TRPC7: variants seen among roughly 807,000 people sequenced by gnomAD.
TRPC7 encodes transient receptor potential cation channel subfamily C member 7.
A neutral mutation model predicts 90.1 loss-of-function variants in TRPC7; 42 were observed. That is an observed-to-expected ratio of 0.47 (90% CI 0.36 to 0.60). The LOEUF (loss-of-function observed/expected upper bound fraction) is 0.60, where lower values mean the gene tolerates loss of function less well. Ranked by LOEUF, TRPC7 falls within the 20% of genes least tolerant of loss-of-function variation. The pLI is 0.00. For missense variants in TRPC7, 955 were observed against 1,112.3 expected (o/e 0.86, Z 2.01); for synonymous variants, 451 against 436.3 (o/e 1.03, Z -0.42).
chr5:136,295,780 T>G (rs1313725766), intron 3 of TRPC7, among the ~76,000 whole-genome samples: 2 of 152,228 alleles, frequency 1.3e-5, no homozygotes, highest in African/African-American at 2.4e-5. Flanking sequence ...TAGAAGCATG[T>G]AGGCTGAATT....
chr5:136,359,774 G>GCA (rs56100973), intron 1 of TRPC7, among the ~76,000 whole-genome samples: 50,721 of 149,432 alleles, frequency 0.34, 9,278 homozygotes, highest in Admixed American at 0.47. Flanking sequence ...TGTCATCTGG[G>GCA]CACACACACA....
At chr5:136,235,398 C>T (rs545797846) in intron 7 of TRPC7, among the ~76,000 whole-genome samples, 2 of 152,270 alleles carry the variant, frequency 1.3e-5, no homozygotes, top group East Asian at 3.9e-4. Context: ...GACCTCACTA[C>T]CCTGAGTGGG....
Position 136,266,370 on chromosome 5 carries a change from A to G in TRPC7, c.1195T>C (p.Leu399=), listed in dbSNP as rs1474713352. 1 of 1,613,932 alleles carries G rather than the reference A, an allele frequency of 6.2e-7. No homozygotes were observed. Among genetic ancestry groups the G allele is most frequent in the Non-Finnish European group, 8.5e-7 (1 of 1,179,822 alleles). The change falls in exon 5 of 12, where the codon TTG becomes CTG. Residue 399 remains leucine, a synonymous_variant. Transcript: ENST00000513104. ...GATGCATTCACAACTAATAATCCCA[A>G]GAAGATTGTAAAAGAAACTGCATGA... is the stretch of plus-strand genomic sequence containing the variant. ...VAHAVSFTIF[L]GLLVVNASDR...
At chr5:136,285,856 T>G (rs1355245155) in intron 3 of TRPC7, among the ~76,000 whole-genome samples, 1 of 152,218 alleles carries the variant, frequency 6.6e-6, no homozygotes, top group Non-Finnish European at 1.5e-5. Flanking sequence ...ACAGTATTCC[T>G]GAAATGCACC....
chr5:136,290,321 G>C (rs752293788), intron 3 of TRPC7, among the ~76,000 whole-genome samples: 3 of 152,170 alleles, frequency 2.0e-5, no homozygotes. Flanking sequence ...AGAGAAGAAG[G>C]CTTCAGAAGA....
At chr5:136,255,385 A>G (rs1014205895) in intron 5 of TRPC7, among the ~76,000 whole-genome samples, 3 of 152,246 alleles carry the variant, frequency 2.0e-5, no homozygotes, top group African/African-American at 7.2e-5. Context: ...GTGGCCATCA[A>G]CATTGAGCCA....
chr5:136,293,550 A>G (rs1758041745), intron 3 of TRPC7, among the ~76,000 whole-genome samples: 1 of 152,210 alleles, frequency 6.6e-6, no homozygotes, highest in Non-Finnish European at 1.5e-5. Flanking sequence ...ATTGCTTCAA[A>G]GAGAATAAAA....
At chr5:136,338,159 C>A (rs1037468013) in intron 2 of TRPC7, among the ~76,000 whole-genome samples, 7 of 152,042 alleles carry the variant, frequency 4.6e-5, no homozygotes, top group Non-Finnish European at 1.0e-4. Context: ...CTGAAAAAAA[C>A]AGGACGTTAT....
At chr5:136,343,383 T>G (rs1449434105) in intron 2 of TRPC7, among the ~76,000 whole-genome samples, 1 of 152,188 alleles carries the variant, frequency 6.6e-6, no homozygotes, top group Non-Finnish European at 1.5e-5. Context: ...CCCCAGCCTT[T>G]GTGAGAGATG....
chr5:136,305,950 C>T (rs963405116), intron 3 of TRPC7, among the ~76,000 whole-genome samples: 4 of 152,058 alleles, frequency 2.6e-5, no homozygotes, highest in Admixed American at 6.6e-5. Flanking sequence ...AGGTACAGCC[C>T]GTTTGAGCTC....
At chr5:136,296,792 A>C (rs753451129) in intron 3 of TRPC7, among the ~76,000 whole-genome samples, 30 of 152,162 alleles carry the variant, frequency 2.0e-4, no homozygotes, top group Non-Finnish European at 2.5e-4. Flanking sequence ...ATGTTTTTTC[A>C]GTAAATAAAA....
chr5:136,257,307 C>G (rs182105591), intron 5 of TRPC7, among the ~76,000 whole-genome samples: 15 of 151,896 alleles, frequency 9.9e-5, no homozygotes, highest in Admixed American at 7.2e-4. Context: ...CTCAGCGTCC[C>G]GAGTAGCTGG....
chr5:136,225,083 C>A (rs2149794727), intron 10 of TRPC7, among the ~76,000 whole-genome samples, 191 bp downstream of exon 10: 1 of 152,188 alleles, frequency 6.6e-6, no homozygotes, highest in East Asian at 1.9e-4. Flanking sequence ...GAGGGAGGAA[C>A]CACATCTGTA....
chr5:136,215,136 C>T (rs150226393), intron 11 of TRPC7, among the ~76,000 whole-genome samples: 4 of 152,240 alleles, frequency 2.6e-5, no homozygotes, highest in South Asian at 2.1e-4. Context: ...TTGAGAAACA[C>T]GGCTGTCAGT....
At position 136,274,762 on chromosome 5, in the gene TRPC7, A is replaced by T. The variant is rs781262040; in HGVS notation, c.1039T>A (p.Ser347Thr). Residue 347 changes from serine to threonine, a missense_variant, in exon 4 of 12, where the codon TCT becomes ACT. Ser to Thr is a moderately conservative substitution (Grantham distance 58). Coordinates refer to ENST00000513104, the MANE Select transcript of TRPC7 (RefSeq NM_020389.3). Reference sequence around the variant, plus strand: ...ACAGCCAGGAATTTCACAGCGATAGACTGTTGACGTAAGCCTGAGAGATTT... The same window carrying T: ...ACAGCCAGGAATTTCACAGCGATAGTCTGTTGACGTAAGCCTGAGAGATTT... Reference protein sequence around the residue: ...YENLSGLRQQSIAVKFLAVFG... With the variant: ...YENLSGLRQQTIAVKFLAVFG... The T allele has an allele frequency of 3.5e-5, 56 of 1,609,324 alleles. No homozygotes were observed. The South Asian group carries it at 4.6e-4, about 13-fold the overall frequency.
chr5:136,285,751 G>A (rs1294749229), intron 3 of TRPC7, among the ~76,000 whole-genome samples: 1 of 152,206 alleles, frequency 6.6e-6, no homozygotes, highest in Non-Finnish European at 1.5e-5. Flanking sequence ...GAGGCCAGAT[G>A]AATGGCTGCT....
intron 3 of TRPC7, among the ~76,000 whole-genome samples, chr5:136,289,172 G>C (rs1757841424): frequency 6.6e-6 from 1 of 152,184 alleles, no homozygotes; most frequent in African/African-American, 2.4e-5. Context: ...ACAAGTATTA[G>C]GGGGTGGAGC....
rs375311529 is a variant in TRPC7 at position 136,251,830 on chromosome 5, G to A, written c.1398C>T (p.Tyr466=). 3 of 1,613,980 alleles carry A rather than the reference G, an allele frequency of 1.9e-6. No homozygotes were observed. Among genetic ancestry groups the A allele is most frequent in the African/African-American group, 1.3e-5 (1 of 75,050 alleles). The change falls in exon 6 of 12, where the codon TAC becomes TAT. Residue 466 remains tyrosine (Y), a synonymous_variant. Transcript: ENST00000513104. ...CTAGCAGGTTCCACAAGTGCAGCAC[G>A]TACTCCCGTGGCCCCTCCTCCCAGA... is the stretch of plus-strand genomic sequence containing the variant. ...KEIWEEGPRE[Y]VLHLWNLLDF...
At position 136,266,062 on chromosome 5, in the gene TRPC7, A is replaced by C. The variant is rs116126748; in HGVS notation, c.1345+158T>G. Among the ~76,000 whole-genome samples the C allele has an allele frequency of 7.4e-3, 1,131 of 152,314 alleles. 19 individuals are homozygous for C. The highest frequency in any genetic ancestry group is 0.026 in the African/African-American group (1,088 of 41,568). On this transcript the variant is annotated intron_variant, in intron 5 of 11. Transcript: ENST00000513104. The stretch of plus-strand genomic sequence containing the variant: ...TTGTATACAGGTCTGTGTATCTTAA[A>C]GACAGAAGTTGACTCTGACTTTCTT...
Sources: allele counts gnomAD v4.1 joint callset (sites outside exome capture counted in the v4.1 genomes callset), GRCh38; gene constraint gnomAD v4.1.1; transcripts MANE v1.5; gene names NCBI Gene and HGNC (gene_info 2026-07-23, HGNC 2026-07-21).